DCC: variants seen among roughly 807,000 people sequenced by gnomAD.
The protein encoded by DCC is DCC netrin 1 receptor, also known as netrin receptor DCC.
In DCC, 58 loss-of-function variants were observed where a neutral mutation model predicts 172.5. The observed-to-expected ratio is 0.34, with a 90% CI of 0.27 to 0.42. DCC has a LOEUF of 0.42. Ranked by LOEUF, DCC falls within the 10% of genes least tolerant of loss-of-function variation. The probability of loss-of-function intolerance (pLI) is 1.00; values close to 1 mark genes in which losing one functional copy is unlikely to be tolerated. For synonymous variants in DCC, 709 were observed against 644.5 expected (o/e 1.10, Z -1.52); for missense variants, 1,740 against 1,791.0 (o/e 0.97, Z 0.51).
At chr18:53,389,429 G>A (rs192784387) in intron 16 of DCC, among the ~76,000 whole-genome samples, 38 of 152,144 alleles carry the variant, frequency 2.5e-4, no homozygotes, top group Non-Finnish European at 4.1e-4. Context: ...TGCTTTGCTG[G>A]AAATGCTCTA....
At chr18:52,760,747 G>A (rs1199464017) in intron 2 of DCC, among the ~76,000 whole-genome samples, 1 of 152,070 alleles carries the variant, frequency 6.6e-6, no homozygotes, top group East Asian at 1.9e-4. Flanking sequence ...TTTGAATTAA[G>A]ATATTAATAT....
At chr18:53,043,595 C>T (rs922640822) in intron 5 of DCC, among the ~76,000 whole-genome samples, 9 of 151,830 alleles carry the variant, frequency 5.9e-5, no homozygotes, top group South Asian at 4.1e-4. Context: ...CCCTTTTAAA[C>T]GGCCAAGAAC....
At chr18:52,842,362 T>C (rs770054977) in intron 2 of DCC, among the ~76,000 whole-genome samples, 11 of 152,188 alleles carry the variant, frequency 7.2e-5, no homozygotes, top group Non-Finnish European at 1.2e-4. Flanking sequence ...GGAAAGCTAT[T>C]CATTTAGTCT....
intron 2 of DCC, among the ~76,000 whole-genome samples, chr18:52,817,912 A>G (rs1419695499): frequency 6.6e-6 from 1 of 152,308 alleles, no homozygotes; most frequent in South Asian, 2.1e-4. Flanking sequence ...CAGCTTGTGG[A>G]ATGCTTTGCA....
chr18:53,229,636 A>C (rs888323838), intron 12 of DCC, among the ~76,000 whole-genome samples: 1 of 152,044 alleles, frequency 6.6e-6, no homozygotes, highest in Non-Finnish European at 1.5e-5. Context: ...CTACAAATTA[A>C]AGATTTTTTC....
chr18:52,401,417 A>C (rs931911191), intron 1 of DCC, among the ~76,000 whole-genome samples: 6 of 152,070 alleles, frequency 3.9e-5, no homozygotes, highest in African/African-American at 1.4e-4. Context: ...GGACAGAACA[A>C]AATTCATATT....
chr18:52,934,385 A>G (rs1039837473), intron 5 of DCC, among the ~76,000 whole-genome samples: 1 of 152,108 alleles, frequency 6.6e-6, no homozygotes, highest in African/African-American at 2.4e-5. Flanking sequence ...CTGTGCTTCT[A>G]CACCTTGCTG....
At chr18:52,491,014 G>A (rs140797322) in intron 1 of DCC, among the ~76,000 whole-genome samples, 1 of 152,058 alleles carries the variant, frequency 6.6e-6, no homozygotes, top group African/African-American at 2.4e-5. Flanking sequence ...CAGAAGGGGG[G>A]CCCACATTGC....
rs181437002 is a variant in DCC, at chr18:53,063,136, A to C, written c.986-169A>C. On this transcript the variant is annotated intron_variant, in intron 5 of 28. Coordinates refer to ENST00000442544, the MANE Select transcript of DCC (RefSeq NM_005215.4). ...GTTTAACTGCATTTGGGGGAACAAA[A>C]GATTTGTTTTATAATAGTTCCTGTA... Among the ~76,000 whole-genome samples the C allele has an allele frequency of 3.7e-4, 56 of 152,194 alleles. 1 individual carries two copies. The South Asian group carries it at 0.011, about 31-fold the overall frequency.
chr18:52,942,594 G>T lies in DCC; in HGVS notation c.985+17224G>T, dbSNP rs144119964. ...TGGGGCAAAAGGCACTTCTTACATGGCAGTGGCAAAAGAGAAAGAGAGATG... is the reference window on the plus strand; with the variant it reads ...TGGGGCAAAAGGCACTTCTTACATGTCAGTGGCAAAAGAGAAAGAGAGATG... On this transcript the variant is annotated intron_variant, in intron 5 of 28. Coordinates refer to ENST00000442544, the MANE Select transcript of DCC (RefSeq NM_005215.4). 3.9e-5 allele frequency among the ~76,000 whole-genome samples: 6 copies of T among 152,302 alleles called. No individual in the cohort carries two copies. The East Asian group carries it at 1.2e-3, about 29-fold the overall frequency.
chr18:53,360,780 T>G (rs1276494859), intron 15 of DCC, among the ~76,000 whole-genome samples: 3 of 152,182 alleles, frequency 2.0e-5, no homozygotes, highest in African/African-American at 7.2e-5. Flanking sequence ...GTCATAGTGT[T>G]ATGACATAAG....
intron 1 of DCC, among the ~76,000 whole-genome samples, chr18:52,404,190 A>G (rs1986547769): frequency 6.6e-6 from 1 of 152,044 alleles, no homozygotes; most frequent in Non-Finnish European, 1.5e-5. Flanking sequence ...CCTGAACTCT[A>G]GAGACATCAT....
intron 1 of DCC, among the ~76,000 whole-genome samples, chr18:52,679,487 C>T (rs2035704890): frequency 6.6e-6 from 1 of 152,026 alleles, no homozygotes; most frequent in Non-Finnish European, 1.5e-5. Context: ...TTCATATAGC[C>T]CCCATCTTTG....
chr18:53,155,853 C>A (rs1266099540), intron 7 of DCC, among the ~76,000 whole-genome samples: 1 of 152,270 alleles, frequency 6.6e-6, no homozygotes, highest in Admixed American at 6.5e-5. Context: ...ATAGTGAAAC[C>A]CTGTCTCTAC....
At chr18:53,440,381 G>A (rs1371741125) in intron 22 of DCC, among the ~76,000 whole-genome samples, 1 of 151,918 alleles carries the variant, frequency 6.6e-6, no homozygotes, top group East Asian at 1.9e-4. Flanking sequence ...TAAAACTTTG[G>A]TACATCAATG....
At chr18:52,374,622 T>C (rs934593362) in intron 1 of DCC, among the ~76,000 whole-genome samples, 1 of 151,874 alleles carries the variant, frequency 6.6e-6, no homozygotes. Context: ...AATAGGTCTT[T>C]TGAAACCAAG....
chr18:52,388,628 G>T (rs1287370931), intron 1 of DCC, among the ~76,000 whole-genome samples: 1 of 151,684 alleles, frequency 6.6e-6, no homozygotes, highest in East Asian at 1.9e-4. Flanking sequence ...TTTTTATTTG[G>T]GCCATCAACT....
chr18:53,446,466 GC>G (rs1430037154), intron 22 of DCC, among the ~76,000 whole-genome samples: 1 of 152,134 alleles, frequency 6.6e-6, no homozygotes, highest in African/African-American at 2.4e-5. Flanking sequence ...TGGAAAGGGG[GC>G]AATGTCACTT....
chr18:53,159,456 T>G (rs2054800018), intron 8 of DCC, among the ~76,000 whole-genome samples: 1 of 152,148 alleles, frequency 6.6e-6, no homozygotes, highest in African/African-American at 2.4e-5. Flanking sequence ...CATCTTTACC[T>G]GATCTCTGGG....
Sources: gnomAD v4.1 joint callset for allele counts (sites outside exome capture counted in the v4.1 genomes callset) on GRCh38, gnomAD v4.1.1 for gene constraint, MANE v1.5 for transcripts, NCBI Gene and HGNC (gene_info 2026-07-23, HGNC 2026-07-21) for gene names.